The following AEBP2 variants were observed in gnomAD, a reference collection of about 807,000 sequenced individuals.
AEBP2 encodes the protein zinc finger protein AEBP2.
Under a neutral mutation model 50.8 loss-of-function variants are expected in AEBP2, and 10 were observed. That is an observed-to-expected ratio of 0.20 (90% confidence interval 0.12 to 0.33). The LOEUF is 0.33. Ranked by LOEUF, AEBP2 falls within the 10% of genes least tolerant of loss-of-function variation. The pLI, the probability that AEBP2 is intolerant of heterozygous loss-of-function variation, is 1.00. For synonymous variants in AEBP2, 296 were observed against 261.3 expected, an observed-to-expected ratio of 1.13 and a Z score of -1.28; for missense variants, 570 against 688.0, an observed-to-expected ratio of 0.83 and a Z score of 1.92.
At chr12:19,487,884 A>G (rs935734980) in intron 3 of AEBP2, among the ~76,000 whole-genome samples, 52 of 152,200 alleles carry the variant, frequency 3.4e-4, no homozygotes, top group African/African-American at 1.2e-3. Flanking sequence ...GAAGTTAAAT[A>G]TTAATGCAAT....
At chr12:19,444,634 A>T (rs559350486) in intron 1 of AEBP2, among the ~76,000 whole-genome samples, 1 of 152,344 alleles carries the variant, frequency 6.6e-6, no homozygotes, top group East Asian at 1.9e-4. Flanking sequence ...CAACTACAAA[A>T]CAGGTATTAC....
chr12:19,433,400 A>G (rs916253922), intron 1 of AEBP2, among the ~76,000 whole-genome samples: 2 of 152,158 alleles, frequency 1.3e-5, no homozygotes, highest in African/African-American at 4.8e-5. Context: ...AAAAAACAAA[A>G]AATTCTAGTG....
intron 4 of AEBP2, among the ~76,000 whole-genome samples, chr12:19,497,199 C>G (rs1323690263): frequency 6.6e-6 from 1 of 151,362 alleles, no homozygotes; most frequent in African/African-American, 2.4e-5. Flanking sequence ...AGATGCATCT[C>G]CTAAGAATAA....
intron 1 of AEBP2, among the ~76,000 whole-genome samples, chr12:19,433,585 G>C (rs887266655): frequency 6.6e-6 from 1 of 151,982 alleles, no homozygotes; most frequent in Non-Finnish European, 1.5e-5. Flanking sequence ...TTTGAGACCA[G>C]CCTGGCCAAC....
At chr12:19,498,995 G>A (rs976828960) in intron 4 of AEBP2, among the ~76,000 whole-genome samples, 2 of 152,058 alleles carry the variant, frequency 1.3e-5, no homozygotes, top group South Asian at 4.1e-4. Context: ...AGCACCTTGG[G>A]CAGCAGAATG....
intron 1 of AEBP2, among the ~76,000 whole-genome samples, chr12:19,449,534 A>G (rs150063140): frequency 2.0e-5 from 3 of 152,330 alleles, no homozygotes; most frequent in East Asian, 1.9e-4. Context: ...TCCATAGACT[A>G]TATTTCATCA....
chr12:19,426,854 T>A (rs1314056898), intron 1 of AEBP2, among the ~76,000 whole-genome samples: 2 of 151,760 alleles, frequency 1.3e-5, no homozygotes, highest in Non-Finnish European at 2.9e-5. Context: ...TGGGCCAAGA[T>A]CATGCCACTG....
intron 3 of AEBP2, 128 bp from the exon 4 acceptor site, chr12:19,493,672 T>C: frequency 1.1e-6 from 1 of 893,402 alleles, no homozygotes; most frequent in Non-Finnish European, 1.7e-6. Context: ...TCCCTTATGC[T>C]TCCTTTCTGG....
chr12:19,512,830 C>G (rs1247125008), intron 6 of AEBP2, among the ~76,000 whole-genome samples: 1 of 152,036 alleles, frequency 6.6e-6, no homozygotes, highest in East Asian at 1.9e-4. Flanking sequence ...CACCCATAAT[C>G]CCAGCTGCTC....
chr12:19,449,501 A>G lies in AEBP2; in HGVS notation c.671+9131A>G, dbSNP rs1003574114. ...AATGTGCTCAGTGCGTAGTGGTGATAAAAGAATGTAGCCTACTTGTTTTCC... is the reference window on the plus strand; with the variant it reads ...AATGTGCTCAGTGCGTAGTGGTGATGAAAGAATGTAGCCTACTTGTTTTCC... On this transcript the variant is annotated intron_variant, in intron 1 of 7. Coordinates refer to ENST00000266508, the MANE Select transcript of AEBP2 (RefSeq NM_153207.5). Among the ~76,000 whole-genome samples the G allele has an allele frequency of 3.3e-5, 5 of 152,212 alleles. No homozygotes were observed. The South Asian group carries it at 6.2e-4, about 19-fold the overall frequency.
rs113490066 is a variant in AEBP2, at chr12:19,458,885, G to A, written c.672-3625G>A. On this transcript the variant is annotated intron_variant, in intron 1 of 7. Coordinates refer to ENST00000266508, the MANE Select transcript of AEBP2 (RefSeq NM_153207.5). ...TTCCCCCAAATATTTACTAGGTTTCGTATATCTTTCTGTGCCCTTGGAGAC... is the reference window on the plus strand; with the variant it reads ...TTCCCCCAAATATTTACTAGGTTTCATATATCTTTCTGTGCCCTTGGAGAC... Among the ~76,000 whole-genome samples the A allele has an allele frequency of 2.8e-3, 433 of 152,246 alleles. 1 individual carries two copies. Among genetic ancestry groups the A allele is most frequent in the African/African-American group, 9.8e-3 (409 of 41,530 alleles).
At chr12:19,404,758 C>G (rs750189762) in intron 1 of AEBP2, among the ~76,000 whole-genome samples, 2 of 152,026 alleles carry the variant, frequency 1.3e-5, no homozygotes, top group African/African-American at 4.8e-5. Flanking sequence ...AAATTTAGAA[C>G]AAAGAATGCG....
chr12:19,440,672 C>G, intron 1 of AEBP2: 1 of 1,532,958 alleles, frequency 6.5e-7, no homozygotes, highest in South Asian at 1.2e-5. Flanking sequence ...CCAAACGGGC[C>G]CAGATCCTCT....
chr12:19,416,010 C>T (rs1411295120), intron 1 of AEBP2, among the ~76,000 whole-genome samples: 3 of 152,080 alleles, frequency 2.0e-5, no homozygotes, highest in Non-Finnish European at 4.4e-5. Flanking sequence ...TAAGGAGACA[C>T]TGTCTCTACA....
chr12:19,515,575 T>C (rs961947134), intron 7 of AEBP2, among the ~76,000 whole-genome samples: 2 of 152,196 alleles, frequency 1.3e-5, no homozygotes, highest in African/African-American at 2.4e-5. Context: ...GGCACTCTTA[T>C]TGAAAGGACT....
intron 1 of AEBP2, among the ~76,000 whole-genome samples, chr12:19,416,436 A>T (rs564877365): frequency 0.049 from 7,329 of 149,900 alleles, 392 homozygotes; most frequent in Admixed American, 0.15. Context: ...ACAGAGTTTC[A>T]CTCTTGTCAC....
intron 5 of AEBP2, among the ~76,000 whole-genome samples, chr12:19,506,361 A>G (rs906048990): frequency 2.6e-5 from 4 of 151,408 alleles, no homozygotes; most frequent in African/African-American, 9.7e-5. Context: ...TGGCCTCCCA[A>G]AGTGCTGGGA....
At chr12:19,455,134 C>T (rs983617365) in intron 1 of AEBP2, among the ~76,000 whole-genome samples, 5 of 151,564 alleles carry the variant, frequency 3.3e-5, no homozygotes, top group African/African-American at 1.2e-4. Flanking sequence ...GCTGGGATTA[C>T]AGGCACATAC....
At chr12:19,488,309 G>C (rs946699548) in intron 3 of AEBP2, among the ~76,000 whole-genome samples, 18 of 48,272 alleles carry the variant, frequency 3.7e-4, no homozygotes, top group Non-Finnish European at 6.7e-4. Flanking sequence ...TTTTTTTTTT[G>C]TAGAGACAGG....
Sources: allele counts gnomAD v4.1 joint callset (sites outside exome capture counted in the v4.1 genomes callset), GRCh38; gene constraint gnomAD v4.1.1; transcripts MANE v1.5; gene names NCBI Gene and HGNC (gene_info 2026-07-23, HGNC 2026-07-21).